Variants in POLK observed in about 807,000 individuals in gnomAD.
The protein encoded by POLK is polymerase (DNA directed) kappa.
POLK carries 76 observed loss-of-function variants against 94.0 expected under a neutral mutation model. That is an observed-to-expected ratio of 0.81 (90% CI 0.67 to 0.98). The LOEUF is 0.98. POLK is among the 50% of genes least tolerant of loss of function. The probability of loss-of-function intolerance (pLI) is 0.00; values close to 1 mark genes in which losing one functional copy is unlikely to be tolerated. For synonymous variants in POLK, 349 were observed against 325.4 expected (o/e 1.07, Z -0.78); for missense variants, 954 against 1,010.1 (o/e 0.94, Z 0.75).
chr5:75,559,505 GTTTTTTTGTTTTGTTTTGTTT>G (rs1463505742), intron 3 of POLK, among the ~76,000 whole-genome samples: 7 of 70,110 alleles, frequency 1.0e-4, no homozygotes, highest in African/African-American at 2.4e-4. Flanking sequence ...TTTGGGGTTT[GTTTTTTTGTTTTGTTTTGTTT>G]TTTTTTTTTT....
At chr5:75,594,045 T>C (rs5744705) in exon 12 of POLK, 406 of 1,587,064 alleles carry the variant, frequency 2.6e-4, no homozygotes, top group Non-Finnish European at 3.2e-4. Flanking sequence ...GATTAAGGCT[T>C]ATGGGTATGA....
exon 15 of POLK, chr5:75,598,876 G>A (rs1487368150): frequency 6.6e-6 from 1 of 152,088 alleles, no homozygotes; most frequent in Non-Finnish European, 1.5e-5. Context: ...TGTGAAAGAA[G>A]ACAGCTTAAT....
intron 3 of POLK, among the ~76,000 whole-genome samples, chr5:75,555,277 A>G (rs191809914): frequency 6.6e-6 from 1 of 152,068 alleles, no homozygotes; most frequent in Non-Finnish European, 1.5e-5. Flanking sequence ...TCCCTGCCCT[A>G]AAAAAATACT....
At chr5:75,573,697 A>C in intron 4 of POLK, 41 bp from the exon 5 acceptor site, 1 of 1,538,568 alleles carries the variant, frequency 6.5e-7, no homozygotes, top group Non-Finnish European at 9.0e-7. Flanking sequence ...ATGTCCATTT[A>C]GGTTTGTGTA....
intron 1 of POLK, among the ~76,000 whole-genome samples, chr5:75,540,845 A>C (rs1256366318): frequency 6.6e-6 from 1 of 152,204 alleles, no homozygotes; most frequent in Non-Finnish European, 1.5e-5. Context: ...TTGATTCAGC[A>C]TTCCAAGAAA....
chr5:75,543,055 T>G (rs757699584), intron 1 of POLK, among the ~76,000 whole-genome samples: 1 of 148,454 alleles, frequency 6.7e-6, no homozygotes, highest in African/African-American at 2.5e-5. Context: ...ATTTATTTAT[T>G]TTTGAGACGG....
At chr5:75,513,971 G>A (rs1322771204) in intron 1 of POLK, among the ~76,000 whole-genome samples, 1 of 151,688 alleles carries the variant, frequency 6.6e-6, no homozygotes, top group Non-Finnish European at 1.5e-5. Flanking sequence ...TTTAGTAAAC[G>A]TGTTTTGCTT....
At position 75,547,164 on chromosome 5, in the gene POLK, T is replaced by G; in HGVS notation, c.135+7T>G. The G allele has an allele frequency of 6.6e-7, 1 of 1,505,006 alleles. No individual in the cohort carries two copies. The highest frequency in any genetic ancestry group is 9.0e-7 in the Non-Finnish European group (1 of 1,108,090). The allele number at this position is 1,505,006 out of a possible 1,614,324, so 93.2% of individuals were successfully genotyped here. A position where few individuals can be genotyped will look rare whatever the true frequency, so the allele number is the denominator to read the frequency against. ...TATAATGGAAGCCACGAAGGTATGT[T>G]TCTTGTTTCTTTTGATGTGTGTAAT... On this transcript the variant is annotated splice_region_variant and intron_variant, in intron 2 of 14. Coordinates refer to ENST00000241436, the Ensembl canonical transcript of POLK.
intron 12 of POLK, among the ~76,000 whole-genome samples, chr5:75,595,584 A>C (rs1430733793): frequency 6.6e-6 from 1 of 152,220 alleles, no homozygotes; most frequent in Non-Finnish European, 1.5e-5. Flanking sequence ...TAAGAGGGGC[A>C]GGAGGTATAA....
chr5:75,595,248 G>GAAAAAAAAAAAAAAAAAAAAAAAAA, intron 12 of POLK, among the ~76,000 whole-genome samples: 1 of 24,882 alleles, frequency 4.0e-5, no homozygotes, highest in African/African-American at 1.1e-4. Flanking sequence ...CTCCACCTCA[G>GAAAAAAAAAAAAAAAAAAAAAAAAA]AAAAAAAAAA....
At chr5:75,531,687 G>A (rs969948304) in intron 1 of POLK, among the ~76,000 whole-genome samples, 12 of 152,098 alleles carry the variant, frequency 7.9e-5, no homozygotes, top group African/African-American at 2.9e-4. Context: ...CAGCTACTTG[G>A]GAGGCCGAGG....
chr5:75,569,146 T>C (rs1771445871), intron 3 of POLK, among the ~76,000 whole-genome samples, 194 bp from the exon 4 acceptor site: 1 of 152,066 alleles, frequency 6.6e-6, no homozygotes, highest in Non-Finnish European at 1.5e-5. Context: ...TATAAACCCA[T>C]AAACACCCAT....
chr5:75,534,164 G>A (rs1210548878), intron 1 of POLK, among the ~76,000 whole-genome samples: 4 of 152,008 alleles, frequency 2.6e-5, no homozygotes, highest in East Asian at 3.9e-4. Context: ...TACTCAGGAG[G>A]CTGAGGCAGG....
chr5:75,562,740 A>G (rs1317054541), intron 3 of POLK, among the ~76,000 whole-genome samples: 1 of 152,176 alleles, frequency 6.6e-6, no homozygotes, highest in Non-Finnish European at 1.5e-5. Context: ...ATTTTATCCA[A>G]GGTCTTTTCT....
chr5:75,584,172 T>C (rs566946527), intron 8 of POLK, among the ~76,000 whole-genome samples: 2 of 152,318 alleles, frequency 1.3e-5, no homozygotes, highest in East Asian at 1.9e-4. Context: ...ACCATTGATG[T>C]GTCACTATGC....
chr5:75,540,544 C>A (rs1401548772), intron 1 of POLK, among the ~76,000 whole-genome samples: 5 of 152,130 alleles, frequency 3.3e-5, no homozygotes, highest in Non-Finnish European at 7.4e-5. Context: ...AATGATCCTT[C>A]CATCTTGGCC....
At chr5:75,511,251 G>C (rs1302860175), upstream of POLK, 1 of 1,604,868 alleles carries the variant, frequency 6.2e-7, no homozygotes, top group Admixed American at 1.7e-5. Context: ...CGCTCCCTCA[G>C]CTGCGCCGGA....
At chr5:75,531,721 G>A (rs114984621) in intron 1 of POLK, among the ~76,000 whole-genome samples, 8,336 of 152,156 alleles carry the variant, frequency 0.055, 286 homozygotes, top group East Asian at 0.16. Context: ...GAACCTGGGA[G>A]GTGGAGGTTG....
exon 2 of POLK, chr5:75,547,051 G>A: frequency 1.3e-6 from 2 of 1,531,748 alleles, no homozygotes; most frequent in Non-Finnish European, 1.8e-6. Flanking sequence ...AAGTGTGACA[G>A]TTACAAAGAT....
Sources: gnomAD v4.1 joint callset for allele counts (sites outside exome capture counted in the v4.1 genomes callset) on GRCh38, gnomAD v4.1.1 for gene constraint, MANE v1.5 for transcripts, NCBI Gene and HGNC (gene_info 2026-07-23, HGNC 2026-07-21) for gene names.